NRXN1: variants seen among roughly 807,000 people sequenced by gnomAD.
NRXN1 encodes the protein neurexin-1.
NRXN1 carries 39 observed loss-of-function variants against 150.9 expected under a neutral mutation model. The observed-to-expected ratio is 0.26, with a 90% CI of 0.20 to 0.34. NRXN1 has a LOEUF of 0.34. Ranked by LOEUF, NRXN1 falls within the 10% of genes least tolerant of loss-of-function variation. The pLI is 1.00. For missense variants in NRXN1, 1,815 were observed against 1,949.9 expected (o/e 0.93, Z 1.30); for synonymous variants, 924 against 757.0 (o/e 1.22, Z -3.62).
intron 12 of NRXN1, among the ~76,000 whole-genome samples, chr2:50,517,686 CA>C (rs2105094232): frequency 6.6e-6 from 1 of 152,116 alleles, no homozygotes; most frequent in South Asian, 2.1e-4. Flanking sequence ...CCTAGTGGAA[CA>C]AAATGACCTA....
chr2:50,768,896 G>GAACAAC (rs552891524), intron 5 of NRXN1, among the ~76,000 whole-genome samples: 1 of 150,364 alleles, frequency 6.7e-6, no homozygotes, highest in Non-Finnish European at 1.5e-5. Context: ...CAACCACCAC[G>GAACAAC]AACAACAACA....
At chr2:50,884,187 G>A (rs1679882437) in intron 5 of NRXN1, among the ~76,000 whole-genome samples, 1 of 151,594 alleles carries the variant, frequency 6.6e-6, no homozygotes, top group Non-Finnish European at 1.5e-5. Context: ...AAATTTACAG[G>A]AAAAACACTA....
chr2:50,961,049 C>CT (rs1015266755), intron 2 of NRXN1, among the ~76,000 whole-genome samples: 1 of 151,828 alleles, frequency 6.6e-6, no homozygotes, highest in Non-Finnish European at 1.5e-5. Flanking sequence ...GAACACGTGA[C>CT]TTTTTTGCCT....
chr2:50,102,746 G>A (rs938738191), intron 18 of NRXN1, among the ~76,000 whole-genome samples: 1 of 152,034 alleles, frequency 6.6e-6, no homozygotes, highest in Non-Finnish European at 1.5e-5. Context: ...TTTCCAGGCA[G>A]AGAAAACAGC....
chr2:50,768,706 T>C (rs991883283), intron 5 of NRXN1, among the ~76,000 whole-genome samples: 2 of 151,956 alleles, frequency 1.3e-5, no homozygotes, highest in Non-Finnish European at 2.9e-5. Flanking sequence ...GAGAAGATGC[T>C]ATGTGGAAGG....
chr2:50,080,898 A>G (rs1359960314), intron 19 of NRXN1, among the ~76,000 whole-genome samples: 5 of 152,186 alleles, frequency 3.3e-5, no homozygotes, highest in African/African-American at 7.2e-5. Flanking sequence ...TTCTCCTCAT[A>G]TGTTCATTAC....
At chr2:50,768,691 T>A (rs1479780556) in intron 5 of NRXN1, among the ~76,000 whole-genome samples, 42 of 151,992 alleles carry the variant, frequency 2.8e-4, no homozygotes, top group Admixed American at 2.8e-3. Flanking sequence ...TCAGCAGTAA[T>A]CTCAGAGAAG....
intron 5 of NRXN1, among the ~76,000 whole-genome samples, chr2:50,628,491 T>A (rs898127608): frequency 6.6e-6 from 1 of 151,718 alleles, no homozygotes. Context: ...AGAACATATA[T>A]ACTACATGAA....
chr2:50,129,309 G>A (rs545966902), intron 18 of NRXN1, among the ~76,000 whole-genome samples: 51 of 152,038 alleles, frequency 3.4e-4, no homozygotes, highest in Non-Finnish European at 4.6e-4. Context: ...GATATAGTTC[G>A]GACTACTCCA....
At chr2:49,975,391 G>C (rs1162598268) in intron 21 of NRXN1, among the ~76,000 whole-genome samples, 1 of 152,042 alleles carries the variant, frequency 6.6e-6, no homozygotes, top group Non-Finnish European at 1.5e-5. Context: ...TAGAAAAAAA[G>C]TGTATTGGAA....
At chr2:50,210,724 C>T (rs1162780437) in intron 18 of NRXN1, among the ~76,000 whole-genome samples, 3 of 151,508 alleles carry the variant, frequency 2.0e-5, no homozygotes, top group African/African-American at 7.3e-5. Context: ...CTGCTGAATA[C>T]ATTTTAAAGC....
chr2:50,725,816 C>G (rs759757336), intron 5 of NRXN1, among the ~76,000 whole-genome samples: 2 of 152,086 alleles, frequency 1.3e-5, no homozygotes, highest in Non-Finnish European at 2.9e-5. Context: ...TCTCAGAAAT[C>G]AAGTCTCATA....
At chr2:50,433,411 G>A (rs931900698) in intron 17 of NRXN1, among the ~76,000 whole-genome samples, 2 of 152,092 alleles carry the variant, frequency 1.3e-5, no homozygotes, top group South Asian at 2.1e-4. Flanking sequence ...GCTATGCCAT[G>A]TGTTATTATT....
intron 8 of NRXN1, among the ~76,000 whole-genome samples, chr2:50,574,908 T>C (rs543284877): frequency 2.9e-4 from 44 of 152,264 alleles, no homozygotes; most frequent in Middle Eastern, 3.4e-3. Context: ...TCTGTATCGT[T>C]TGAGACATGA....
intron 18 of NRXN1, among the ~76,000 whole-genome samples, chr2:50,142,719 A>G (rs928579611): frequency 6.6e-6 from 1 of 152,004 alleles, no homozygotes; most frequent in Non-Finnish European, 1.5e-5. Context: ...CAGTTAATAT[A>G]TAAATTTTAG....
At chr2:50,193,222 GT>G (rs1226242133) in intron 18 of NRXN1, among the ~76,000 whole-genome samples, 1 of 152,016 alleles carries the variant, frequency 6.6e-6, no homozygotes, top group Non-Finnish European at 1.5e-5. Flanking sequence ...AAAAGCAGCA[GT>G]CACATAGCAC....
chr2:50,497,477 T>C lies in NRXN1; in HGVS notation c.2735A>G (p.Lys912Arg). Residue 912 changes from lysine (K) to arginine (R), a missense_variant, in exon 14 of 23, where the codon AAA (lysine) becomes AGA (arginine). Lys to Arg is a conservative substitution (Grantham distance 26). Coordinates refer to ENST00000401669, the MANE Select transcript of NRXN1 (RefSeq NM_001330078.2). ...IIADPVTFKT[K>R]SSYVALATLQ... is the part of the protein sequence containing the mutation. Reference sequence around the variant, plus strand: ...GGTAGCTAAGGCAACATAGCTCGATTTGGTCTTGAAGGTGACAGGATCTGC... The same window carrying C: ...GGTAGCTAAGGCAACATAGCTCGATCTGGTCTTGAAGGTGACAGGATCTGC... The C allele has an allele frequency of 6.2e-7, 1 of 1,613,870 alleles. No homozygotes were observed. Among genetic ancestry groups the C allele is most frequent in the Non-Finnish European group, 8.5e-7 (1 of 1,179,816 alleles).
intron 21 of NRXN1, among the ~76,000 whole-genome samples, chr2:50,048,648 A>G (rs749371835): frequency 6.6e-6 from 1 of 152,134 alleles, no homozygotes; most frequent in Non-Finnish European, 1.5e-5. Flanking sequence ...ATAAACATTA[A>G]TTGGGTTCTT....
intron 18 of NRXN1, among the ~76,000 whole-genome samples, chr2:50,199,506 G>GCT (rs568998450): frequency 6.7e-6 from 1 of 148,546 alleles, no homozygotes; most frequent in Non-Finnish European, 1.5e-5. Context: ...CAAAGTAATC[G>GCT]CTCTCTCTCT....
Sources: allele counts gnomAD v4.1 joint callset (sites outside exome capture counted in the v4.1 genomes callset), GRCh38; gene constraint gnomAD v4.1.1; transcripts MANE v1.5; gene names NCBI Gene and HGNC (gene_info 2026-07-23, HGNC 2026-07-21).